The following FRAS1 variants were observed in gnomAD, a reference collection of about 807,000 sequenced individuals.
The protein encoded by FRAS1 is extracellular matrix organizing protein FRAS1.
A neutral mutation model predicts 435.2 loss-of-function variants in FRAS1; 290 were observed. That is an observed-to-expected ratio of 0.67 (90% confidence interval 0.61 to 0.73). The LOEUF (loss-of-function observed/expected upper bound fraction) is 0.73. Ranked by LOEUF, FRAS1 falls within the 30% of genes least tolerant of loss-of-function variation. The pLI is 0.00. For synonymous variants in FRAS1, 1,800 were observed against 1,851.0 expected (o/e 0.97, Z 0.71); for missense variants, 4,860 against 5,001.5 (o/e 0.97, Z 0.85).
At chr4:78,164,196 G>A (rs1721250567) in intron 2 of FRAS1, among the ~76,000 whole-genome samples, 1 of 152,190 alleles carries the variant, frequency 6.6e-6, no homozygotes, top group Admixed American at 6.6e-5. Flanking sequence ...TCCAACCGTA[G>A]GCAGGAAGGG....
rs908926054 is a variant in FRAS1 at position 78,542,051 on chromosome 4, A to G, written c.*927A>G. The G allele has an allele frequency of 1.3e-5, 2 of 152,194 alleles. No homozygotes were observed. Among genetic ancestry groups the G allele is most frequent in the Admixed American group, 6.5e-5 (1 of 15,276 alleles). The allele number at this position is 152,194 out of a possible 1,614,324, so 9.4% of individuals were successfully genotyped here. A position where few individuals can be genotyped will look rare whatever the true frequency, so the allele number is the denominator to read the frequency against. ...GCCCGTTCCTGTAACAGACAATCCCATGTCCTAGGTATGGTTTTTTATTCT... is the reference window on the plus strand; with the variant it reads ...GCCCGTTCCTGTAACAGACAATCCCGTGTCCTAGGTATGGTTTTTTATTCT... On this transcript the variant is annotated 3_prime_UTR_variant, in exon 74 of 74. Coordinates refer to ENST00000512123, the MANE Select transcript of FRAS1 (RefSeq NM_025074.7).
chr4:78,470,177 G>A lies in FRAS1; in HGVS notation c.7371+86G>A, dbSNP rs1424979373. On this transcript the variant is annotated intron_variant, in intron 51 of 73. Transcript: ENST00000512123. ...ACAATGACTTATGAATAGAAGTCCA[G>A]TTCAGCTCACCTGTTTATCCCTCCC... The A allele has an allele frequency of 7.5e-6, 6 of 803,936 alleles. No homozygotes were observed. The African/African-American group carries it at 1.0e-4, about 14-fold the overall frequency. 49.8% of individuals were successfully genotyped at this position (803,936 alleles called of 1,614,324 possible).
At chr4:78,406,544 C>T (rs757068660) in intron 30 of FRAS1, among the ~76,000 whole-genome samples, 7 of 152,124 alleles carry the variant, frequency 4.6e-5, no homozygotes, top group Non-Finnish European at 8.8e-5. Context: ...AGGAGAATAG[C>T]ATGGGAAAGA....
chr4:78,256,007 C>T (rs1352902603), intron 6 of FRAS1, among the ~76,000 whole-genome samples: 2 of 152,066 alleles, frequency 1.3e-5, no homozygotes, highest in African/African-American at 4.8e-5. Context: ...ATGGCTATTC[C>T]ATGGCAGTTG....
At chr4:78,393,049 A>G (rs940125035) in intron 29 of FRAS1, among the ~76,000 whole-genome samples, 5 of 150,800 alleles carry the variant, frequency 3.3e-5, no homozygotes, top group Non-Finnish European at 7.4e-5. Context: ...TTATTGAGGA[A>G]TGATTGACAT....
At position 78,507,607 on chromosome 4, in the gene FRAS1, T is replaced by C. The variant is rs1187719367; in HGVS notation, c.9503T>C (p.Ile3168Thr). 4 of 1,584,894 alleles carry C rather than the reference T, an allele frequency of 2.5e-6. No individual in the cohort carries two copies. The highest frequency in any genetic ancestry group is 3.4e-6 in the Non-Finnish European group (4 of 1,170,802). ...AGSLILPAPPIVVTLADYDHV... is the reference protein window; with the variant it reads ...AGSLILPAPPTVVTLADYDHV... ...AGCCTCATATTGCCAGCACCACCCA[T>C]TGTGAGTTGCTTGACCCAAAGGATT... The change falls in exon 62 of 74, where the codon ATT becomes ACT. Residue 3168 changes from isoleucine (I) to threonine (T), a missense_variant and splice_region_variant. Transcript: ENST00000512123.
In FRAS1 at chr4:78,375,736, T is replaced by A; in HGVS notation, c.3152-3T>A. 6.4e-7 allele frequency: 1 copy of A among 1,570,102 alleles called. No individual in the cohort carries two copies. Among genetic ancestry groups the A allele is most frequent in the Non-Finnish European group, 8.6e-7 (1 of 1,160,316 alleles). ...CCTCATTTAGTGTTTCCTTTTTTAA[T>A]AGCCTGCCCTCAGGGGTGCTTGCAG... On this transcript the variant is annotated splice_region_variant and splice_polypyrimidine_tract_variant and intron_variant, in intron 25 of 73. Coordinates refer to ENST00000512123, the MANE Select transcript of FRAS1 (RefSeq NM_025074.7).
At chr4:78,375,434 G>C (rs1475686863) in intron 25 of FRAS1, among the ~76,000 whole-genome samples, 1 of 152,210 alleles carries the variant, frequency 6.6e-6, no homozygotes, top group Admixed American at 6.5e-5. Flanking sequence ...AGGAGGAAGC[G>C]TACCTAGAAA....
chr4:78,508,565 A>G (rs750917017), intron 62 of FRAS1, among the ~76,000 whole-genome samples, 166 bp from the exon 63 acceptor site: 2 of 152,150 alleles, frequency 1.3e-5, no homozygotes, highest in African/African-American at 2.4e-5. Context: ...AAAGATCTGC[A>G]GTATCTTTTA....
At chr4:78,216,564 A>G (rs1723776793) in intron 2 of FRAS1, among the ~76,000 whole-genome samples, 1 of 152,214 alleles carries the variant, frequency 6.6e-6, no homozygotes, top group Non-Finnish European at 1.5e-5. Context: ...AGCAGAGGGG[A>G]ACAGGTCATA....
intron 53 of FRAS1, 91 bp downstream of exon 53, chr4:78,473,688 A>G (rs1578345153): frequency 1.1e-6 from 1 of 884,426 alleles, no homozygotes; most frequent in East Asian, 2.6e-5. Flanking sequence ...AGCTCTAGTC[A>G]CCTCTTGATG....
intron 2 of FRAS1, among the ~76,000 whole-genome samples, chr4:78,232,334 G>C (rs1156887042): frequency 1.3e-5 from 2 of 150,734 alleles, no homozygotes; most frequent in African/African-American, 4.9e-5. Flanking sequence ...CTTCCAGGCT[G>C]GAGTGCAGTG....
chr4:78,280,594 T>G (rs970143135), intron 10 of FRAS1, among the ~76,000 whole-genome samples: 3 of 152,000 alleles, frequency 2.0e-5, no homozygotes, highest in African/African-American at 7.2e-5. Flanking sequence ...TTTTTTTTTT[T>G]TTGATTTGGG....
At position 78,508,993 on chromosome 4, in the gene FRAS1, G is replaced by T; in HGVS notation, c.9767G>T (p.Ser3256Ile). 6.2e-7 allele frequency: 1 copy of T among 1,613,986 alleles called. No homozygotes were observed. Among genetic ancestry groups the T allele is most frequent in the Admixed American group, 1.7e-5 (1 of 60,022 alleles). The change falls in exon 63 of 74, where the codon AGT (serine) becomes ATT (isoleucine). Residue 3256 changes from serine to isoleucine, a missense_variant. By Grantham distance (142) the Ser-to-Ile change is moderately radical. Transcript: ENST00000512123. Reference sequence around the variant, plus strand: ...ATCACTGACAACACACCATTCACCAGTGTCAACCACATGGTAGGTCTGGGG... The same window carrying T: ...ATCACTGACAACACACCATTCACCATTGTCAACCACATGGTAGGTCTGGGG... ...ETITDNTPFTSVNHMVLDSIY... is the reference protein window; with the variant it reads ...ETITDNTPFTIVNHMVLDSIY...
intron 3 of FRAS1, among the ~76,000 whole-genome samples, chr4:78,239,448 G>T (rs11731273): frequency 0.18 from 26,754 of 151,980 alleles, 3,136 homozygotes; most frequent in Non-Finnish European, 0.26. Flanking sequence ...AACTGGTTTT[G>T]CTGTTTCTAT....
intron 24 of FRAS1, among the ~76,000 whole-genome samples, chr4:78,373,451 A>AAT (rs1731594259): frequency 1.4e-5 from 2 of 145,074 alleles, no homozygotes; most frequent in African/African-American, 5.1e-5. Context: ...AAGGACTAAT[A>AAT]ATAATAATAA....
chr4:78,311,257 T>A lies in FRAS1; in HGVS notation c.1678+3048T>A, dbSNP rs1325829358. ...CCATGCAACCATTTTTTAAAATCTT[T>A]TTATTTTTATGAGCTTATCTAACTG... On this transcript the variant is annotated intron_variant, in intron 15 of 73. Transcript: ENST00000512123. 2.0e-5 allele frequency among the ~76,000 whole-genome samples: 3 copies of A among 152,206 alleles called. 1 individual carries two copies. The highest frequency in any genetic ancestry group is 2.0e-4 in the Admixed American group (3 of 15,284).
chr4:78,194,459 C>G lies in FRAS1; in HGVS notation c.109-43051C>G, dbSNP rs183895589. On this transcript the variant is annotated intron_variant, in intron 2 of 73. Transcript: ENST00000512123. Reference sequence around the variant, plus strand: ...CACATAGTCTCATATTTCTTGGAGGCTTTGCTCGTTTCTTTTTATTCTTTT... The same window carrying G: ...CACATAGTCTCATATTTCTTGGAGGGTTTGCTCGTTTCTTTTTATTCTTTT... Among the ~76,000 whole-genome samples the G allele has an allele frequency of 2.0e-5, 3 of 152,316 alleles. No individual in the cohort carries two copies. The East Asian group carries it at 5.8e-4, about 29-fold the overall frequency.
intron 9 of FRAS1, 31 bp downstream of exon 9, chr4:78,267,463 G>A (rs775864347): frequency 7.6e-5 from 122 of 1,597,984 alleles, no homozygotes; most frequent in South Asian, 2.4e-4. Context: ...CATTTGGAAC[G>A]TTGCAGCTCT....
Sources: gnomAD v4.1 joint callset for allele counts (sites outside exome capture counted in the v4.1 genomes callset) on GRCh38, gnomAD v4.1.1 for gene constraint, MANE v1.5 for transcripts, NCBI Gene and HGNC (gene_info 2026-07-23, HGNC 2026-07-21) for gene names.